QKI: variants seen among roughly 807,000 people sequenced by gnomAD.
QKI encodes the protein KH domain-containing RNA-binding protein QKI.
QKI carries 10 observed loss-of-function variants against 39.0 expected under a neutral mutation model. The observed-to-expected ratio is 0.26, with a 90% confidence interval of 0.16 to 0.43. QKI has a LOEUF of 0.43. Ranked by LOEUF, QKI falls within the 20% of genes least tolerant of loss-of-function variation. The probability of loss-of-function intolerance (pLI) is 1.00; values close to 1 mark genes in which losing one functional copy is unlikely to be tolerated. For synonymous variants in QKI, 204 were observed against 155.4 expected, an observed-to-expected ratio of 1.31 and a Z score of -2.33; for missense variants, 218 against 428.0, an observed-to-expected ratio of 0.51 and a Z score of 4.33.
intron 1 of QKI, among the ~76,000 whole-genome samples, chr6:163,420,287 ATTTAC>A (rs1787897560): frequency 6.6e-6 from 1 of 150,710 alleles, no homozygotes. Context: ...CTACAGTTTA[ATTTAC>A]TTGAGAAATT....
chr6:163,570,406 G>T (rs1447036868), intron 7 of QKI: 2 of 973,576 alleles, frequency 2.1e-6, no homozygotes, highest in African/African-American at 3.6e-5. Flanking sequence ...ACTATTAGTT[G>T]TTAGTTGTAT....
chr6:163,548,355 A>G (rs1291886916), intron 4 of QKI, among the ~76,000 whole-genome samples: 3 of 152,220 alleles, frequency 2.0e-5, no homozygotes, highest in South Asian at 2.1e-4. Context: ...TTTTCATAGT[A>G]AAAATGGAAC....
chr6:163,418,926 A>T (rs1238132312), intron 1 of QKI, among the ~76,000 whole-genome samples: 1 of 152,102 alleles, frequency 6.6e-6, no homozygotes, highest in Non-Finnish European at 1.5e-5. Flanking sequence ...TTGAGTTTTC[A>T]ATTTTTTAGG....
chr6:163,441,960 T>A (rs1789790481), intron 1 of QKI, among the ~76,000 whole-genome samples: 1 of 152,196 alleles, frequency 6.6e-6, no homozygotes, highest in South Asian at 2.1e-4. Flanking sequence ...CCAACTGAGA[T>A]GGGAAATCAT....
At chr6:163,515,894 A>C (rs564055686) in intron 3 of QKI, among the ~76,000 whole-genome samples, 1 of 152,202 alleles carries the variant, frequency 6.6e-6, no homozygotes, top group South Asian at 2.1e-4. Context: ...TTCACTTTTT[A>C]TTTTTATCTC....
At chr6:163,419,292 TTTC>T (rs1377892470) in intron 1 of QKI, among the ~76,000 whole-genome samples, 2 of 136,680 alleles carry the variant, frequency 1.5e-5, no homozygotes, top group Admixed American at 1.4e-4. Flanking sequence ...ATCATAAGGT[TTTC>T]TTACCATAAT....
chr6:163,444,142 G>A (rs910920475), intron 1 of QKI, among the ~76,000 whole-genome samples: 6 of 152,282 alleles, frequency 3.9e-5, no homozygotes, highest in Admixed American at 3.3e-4. Flanking sequence ...GGATAGTCTG[G>A]CCTGGAGTTC....
At chr6:163,475,292 T>G (rs991978753) in intron 2 of QKI, among the ~76,000 whole-genome samples, 2 of 152,192 alleles carry the variant, frequency 1.3e-5, no homozygotes, top group Non-Finnish European at 2.9e-5. Flanking sequence ...TCAAAACTTT[T>G]AGGGGAAATA....
intron 6 of QKI, 191 bp downstream of exon 6, chr6:163,563,910 A>G (rs1230348970): frequency 7.1e-7 from 1 of 1,412,842 alleles, no homozygotes; most frequent in East Asian, 2.6e-5. Flanking sequence ...CCTTAAATTT[A>G]TTCAGATCCA....
chr6:163,455,491 G>A, intron 2 of QKI, 70 bp downstream of exon 2: 3 of 1,396,586 alleles, frequency 2.1e-6, no homozygotes, highest in South Asian at 1.5e-5. Context: ...TATATTTGGT[G>A]GTAAATACTT....
intron 3 of QKI, among the ~76,000 whole-genome samples, chr6:163,523,494 TAGA>T (rs1370142522): frequency 1.3e-5 from 2 of 152,198 alleles, no homozygotes; most frequent in African/African-American, 4.8e-5. Flanking sequence ...GTTTCTTATA[TAGA>T]AGGACAGTTT....
intron 6 of QKI, 160 bp downstream of exon 6, chr6:163,563,879 T>C: frequency 7.0e-7 from 1 of 1,426,890 alleles, no homozygotes. Flanking sequence ...CTCATAAGGG[T>C]TCCCCTTTGA....
chr6:163,455,485 T>C, intron 2 of QKI, 64 bp downstream of exon 2: 1 of 1,451,024 alleles, frequency 6.9e-7, no homozygotes, highest in Non-Finnish European at 9.4e-7. Flanking sequence ...AAGAGATATA[T>C]TTGGTGGTAA....
intron 2 of QKI, among the ~76,000 whole-genome samples, chr6:163,471,302 C>G (rs1400133996): frequency 6.6e-6 from 1 of 152,014 alleles, no homozygotes; most frequent in African/African-American, 2.4e-5. Flanking sequence ...GAGTTCATTA[C>G]TAGAAGACGT....
intron 6 of QKI, 38 bp from the exon 7 acceptor site, chr6:163,566,683 G>A (rs766859987): frequency 6.2e-7 from 1 of 1,609,822 alleles, no homozygotes; most frequent in Admixed American, 1.7e-5. Context: ...CCTTGTGAAT[G>A]TTTTCTAACT....
intron 3 of QKI, among the ~76,000 whole-genome samples, chr6:163,490,157 T>C (rs940899226): frequency 1.3e-5 from 2 of 152,222 alleles, no homozygotes; most frequent in African/African-American, 4.8e-5. Context: ...ATGTATACTC[T>C]TGTATAACCT....
At chr6:163,430,091 CAG>C (rs1473691775) in intron 1 of QKI, among the ~76,000 whole-genome samples, 1 of 152,108 alleles carries the variant, frequency 6.6e-6, no homozygotes, top group African/African-American at 2.4e-5. Flanking sequence ...GTTCTAGACA[CAG>C]GGAACGGTGT....
chr6:163,576,782 A>G lies in QKI; in HGVS notation c.*6072A>G, dbSNP rs151244713. 17 of 152,312 alleles carry G rather than the reference A, an allele frequency of 1.1e-4. No individual in the cohort carries two copies. Among genetic ancestry groups the G allele is most frequent in the Admixed American group, 2.0e-4 (3 of 15,306 alleles). The allele number at this position is 152,312 out of a possible 1,614,324, so 9.4% of individuals were successfully genotyped here. A position where few individuals can be genotyped will look rare whatever the true frequency, so the allele number is the denominator to read the frequency against. ...TGAGAATAAAGAACGCACACTTTCA[A>G]TTTTATTGAGGCTTTCAACACTATT... On this transcript the variant is annotated 3_prime_UTR_variant, in exon 8 of 8. Coordinates refer to ENST00000361752, the MANE Select transcript of QKI (RefSeq NM_006775.3).
At chr6:163,531,768 A>G (rs928136743) in intron 3 of QKI, among the ~76,000 whole-genome samples, 1 of 152,152 alleles carries the variant, frequency 6.6e-6, no homozygotes, top group Non-Finnish European at 1.5e-5. Flanking sequence ...GCCCCCCCAA[A>G]GTGCTGGGAT....
Sources: gnomAD v4.1 joint callset for allele counts (sites outside exome capture counted in the v4.1 genomes callset) on GRCh38, gnomAD v4.1.1 for gene constraint, MANE v1.5 for transcripts, NCBI Gene and HGNC (gene_info 2026-07-23, HGNC 2026-07-21) for gene names.